CSMD3: variants seen among roughly 807,000 people sequenced by gnomAD.
CSMD3 encodes CUB and sushi domain-containing protein 3.
Under a neutral mutation model 435.2 loss-of-function variants are expected in CSMD3, and 177 were observed. The observed-to-expected ratio is 0.41, with a 90% confidence interval of 0.36 to 0.46. The LOEUF is 0.46. CSMD3 is among the 20% of genes least tolerant of loss of function. The pLI, the probability that CSMD3 is intolerant of heterozygous loss-of-function variation, is 0.34. For synonymous variants in CSMD3, 1,656 were observed against 1,520.5 expected (o/e 1.09, Z -2.07); for missense variants, 4,265 against 4,504.6 (o/e 0.95, Z 1.52).
In CSMD3 at chr8:112,318,946, A is replaced by T. The variant is rs1349413248; in HGVS notation, c.7251T>A (p.Asp2417Glu). The T allele has an allele frequency of 6.3e-7, 1 of 1,585,030 alleles. No individual in the cohort carries two copies. The highest frequency in any genetic ancestry group is 1.7e-5 in the Admixed American group (1 of 59,798). ...LTEDDEFEIGDIIRYQCLPGF... is the reference protein window; with the variant it reads ...LTEDDEFEIGEIIRYQCLPGF... Reference sequence around the variant, plus strand: ...CTGGAAGACACTGATACCTAATAATATCACCTATTAAACAAAAGAGGGGAG... The same window carrying T: ...CTGGAAGACACTGATACCTAATAATTTCACCTATTAAACAAAAGAGGGGAG... The change falls in exon 47 of 71, where the codon GAT becomes GAA. Residue 2417 changes from aspartate to glutamate, a missense_variant. By Grantham distance (45) the Asp-to-Glu change is conservative. This residue lies in a region of CSMD3 where 3,255 missense variants were observed against 3,380.2 expected (regional missense o/e 0.96). Transcript: ENST00000297405.
At chr8:113,152,342 A>C (rs913897113) in intron 4 of CSMD3, among the ~76,000 whole-genome samples, 5 of 152,074 alleles carry the variant, frequency 3.3e-5, no homozygotes, top group African/African-American at 1.2e-4. Context: ...AAGATACGTA[A>C]AAATCAAGGA....
intron 3 of CSMD3, among the ~76,000 whole-genome samples, chr8:113,188,058 T>A (rs1042415552): frequency 2.6e-5 from 4 of 151,948 alleles, no homozygotes; most frequent in Admixed American, 1.3e-4. Context: ...ATTCCCACCT[T>A]CTCCATAAAG....
chr8:112,458,871 G>A (rs1044036921), intron 32 of CSMD3, among the ~76,000 whole-genome samples: 1 of 152,092 alleles, frequency 6.6e-6, no homozygotes, highest in Non-Finnish European at 1.5e-5. Context: ...CAAGGTCTTT[G>A]TAATATCACT....
intron 3 of CSMD3, among the ~76,000 whole-genome samples, chr8:113,264,842 G>C (rs1171332865): frequency 6.6e-6 from 1 of 151,440 alleles, no homozygotes; most frequent in Non-Finnish European, 1.5e-5. Flanking sequence ...ACATTCATTG[G>C]AGTTTTAATT....
At chr8:112,778,986 C>T (rs2078313172) in intron 13 of CSMD3, among the ~76,000 whole-genome samples, 1 of 151,806 alleles carries the variant, frequency 6.6e-6, no homozygotes, top group Admixed American at 6.6e-5. Context: ...TTTTTCCAGT[C>T]TGTTCATATA....
intron 10 of CSMD3, among the ~76,000 whole-genome samples, chr8:112,866,418 T>G (rs2080985535): frequency 6.6e-6 from 1 of 152,142 alleles, no homozygotes; most frequent in South Asian, 2.1e-4. Flanking sequence ...TGCAATGAAG[T>G]TGATAGAGCC....
intron 12 of CSMD3, among the ~76,000 whole-genome samples, chr8:112,813,741 T>C (rs1178526732): frequency 6.6e-6 from 1 of 152,160 alleles, no homozygotes; most frequent in African/African-American, 2.4e-5. Context: ...TCACAGTTTC[T>C]GAGCCCCTAC....
At chr8:113,242,046 T>A (rs2093224634) in intron 3 of CSMD3, among the ~76,000 whole-genome samples, 1 of 151,402 alleles carries the variant, frequency 6.6e-6, no homozygotes, top group African/African-American at 2.4e-5. Flanking sequence ...ATTTTAAACA[T>A]AAAATAGTTT....
intron 1 of CSMD3, among the ~76,000 whole-genome samples, chr8:113,378,520 T>C (rs1461142534): frequency 6.6e-6 from 1 of 152,172 alleles, no homozygotes; most frequent in African/African-American, 2.4e-5. Context: ...TTTTACGTTA[T>C]AGTGGACAAG....
intron 2 of CSMD3, among the ~76,000 whole-genome samples, chr8:113,299,347 A>T (rs1427639019): frequency 6.6e-6 from 1 of 152,132 alleles, no homozygotes; most frequent in Non-Finnish European, 1.5e-5. Context: ...TGTGTAGAAT[A>T]GCTATTTGTG....
chr8:113,098,843 T>A lies in CSMD3; in HGVS notation c.830A>T (p.Asp277Val). Residue 277 changes from aspartate (D) to valine (V), a missense_variant, in exon 5 of 71, where the codon GAC (aspartate) becomes GTC (valine). Asp to Val is a radical substitution (Grantham distance 152). Coordinates refer to ENST00000297405, the MANE Select transcript of CSMD3 (RefSeq NM_198123.2). ...ATCAGTAAATATGAGTGAAATTGTG[T>A]CCCCAGGCTCTGCTACAATGGTCCA... ...CTWTIVAEPGDTISLIFTDFQ... is the reference protein window; with the variant it reads ...CTWTIVAEPGVTISLIFTDFQ... The A allele has an allele frequency of 6.2e-7, 1 of 1,612,672 alleles. No homozygotes were observed. The highest frequency in any genetic ancestry group is 1.1e-5 in the South Asian group (1 of 91,060).
chr8:113,152,343 A>C (rs1303929974), intron 4 of CSMD3, among the ~76,000 whole-genome samples: 1 of 152,076 alleles, frequency 6.6e-6, no homozygotes, highest in Non-Finnish European at 1.5e-5. Flanking sequence ...AGATACGTAA[A>C]AATCAAGGAT....
intron 5 of CSMD3, among the ~76,000 whole-genome samples, chr8:113,085,741 G>A (rs941435345): frequency 1.3e-5 from 2 of 152,144 alleles, no homozygotes; most frequent in Admixed American, 6.6e-5. Context: ...GCTCATAGAT[G>A]TAGAGTAATT....
At chr8:112,630,207 A>C (rs2074475784) in intron 22 of CSMD3, among the ~76,000 whole-genome samples, 1 of 152,258 alleles carries the variant, frequency 6.6e-6, no homozygotes, top group Non-Finnish European at 1.5e-5. Flanking sequence ...GTATTGTATA[A>C]AGTCTCTAAA....
chr8:112,488,495 G>C (rs78142128), intron 31 of CSMD3, among the ~76,000 whole-genome samples: 2 of 152,210 alleles, frequency 1.3e-5, no homozygotes, highest in South Asian at 2.1e-4. Context: ...CAAAGAAAAA[G>C]TTTTGCTTAT....
At chr8:112,746,512 C>T (rs1219524272) in intron 13 of CSMD3, among the ~76,000 whole-genome samples, 3 of 152,098 alleles carry the variant, frequency 2.0e-5, no homozygotes, top group East Asian at 3.9e-4. Flanking sequence ...TTTGAAAGCA[C>T]CTAATATGCT....
At chr8:112,385,125 A>C (rs1163766604) in intron 36 of CSMD3, among the ~76,000 whole-genome samples, 2 of 152,206 alleles carry the variant, frequency 1.3e-5, no homozygotes, top group African/African-American at 2.4e-5. Flanking sequence ...AAGAATAAAA[A>C]AGTTCAAAAG....
At chr8:112,871,959 T>A (rs1587534294) in intron 10 of CSMD3, among the ~76,000 whole-genome samples, 1 of 152,072 alleles carries the variant, frequency 6.6e-6, no homozygotes, top group Admixed American at 6.6e-5. Context: ...TTATTCTTAT[T>A]TTCCTTTAAT....
chr8:112,718,458 C>T (rs2076782178), intron 13 of CSMD3, among the ~76,000 whole-genome samples: 1 of 151,450 alleles, frequency 6.6e-6, no homozygotes. Flanking sequence ...TTCATTCTCT[C>T]TTCAGTGTTT....
Sources: allele counts gnomAD v4.1 joint callset (sites outside exome capture counted in the v4.1 genomes callset), GRCh38; gene constraint gnomAD v4.1.1; regional missense constraint gnomAD v4.1.1; transcripts MANE v1.5; gene names NCBI Gene and HGNC (gene_info 2026-07-23, HGNC 2026-07-21).